The following ITGB6 variants were observed in gnomAD, a reference collection of about 807,000 sequenced individuals.
ITGB6 encodes integrin beta-6.
A neutral mutation model predicts 84.5 loss-of-function variants in ITGB6; 80 were observed. The ratio of observed to expected loss-of-function variants is 0.95; its 90% CI spans 0.79 to 1.14. The LOEUF is 1.14. Ranked by LOEUF, ITGB6 falls within the 50% of genes most tolerant of loss-of-function variation. The pLI, the probability that ITGB6 is intolerant of heterozygous loss-of-function variation, is 0.00. For synonymous variants in ITGB6, 383 were observed against 354.9 expected, an observed-to-expected ratio of 1.08 and a Z score of -0.89; for missense variants, 1,006 against 968.0, an observed-to-expected ratio of 1.04 and a Z score of -0.52.
At chr2:160,139,947 C>T (rs879567552) in intron 8 of ITGB6, among the ~76,000 whole-genome samples, 10 of 152,012 alleles carry the variant, frequency 6.6e-5, no homozygotes, top group Non-Finnish European at 1.3e-4. Flanking sequence ...AATATCAATA[C>T]GGCACTGTAA....
chr2:160,149,949 G>A (rs1356268995), intron 7 of ITGB6, among the ~76,000 whole-genome samples: 3 of 152,206 alleles, frequency 2.0e-5, no homozygotes, highest in Non-Finnish European at 4.4e-5. Flanking sequence ...AAGAAATAGG[G>A]AAGTATGTGA....
At chr2:160,119,350 G>A (rs1231214182) in intron 12 of ITGB6, among the ~76,000 whole-genome samples, 2 of 152,102 alleles carry the variant, frequency 1.3e-5, no homozygotes, top group Non-Finnish European at 2.9e-5. Flanking sequence ...AGAGCCCTCA[G>A]AAATAATGCC....
At chr2:160,194,929 C>A (rs1375747450) in intron 4 of ITGB6, among the ~76,000 whole-genome samples, 1 of 151,912 alleles carries the variant, frequency 6.6e-6, no homozygotes, top group African/African-American at 2.4e-5. Flanking sequence ...GAGAAAGTTG[C>A]AAAAATTATT....
rs36050555 is a variant in ITGB6, at chr2:160,188,606, CT to C, written c.593+6762del. 5.2e-3 allele frequency among the ~76,000 whole-genome samples: 740 copies of C among 143,236 alleles called. 2 individuals are homozygous for C. The highest frequency in any genetic ancestry group is 0.011 in the African/African-American group (436 of 39,320). The allele number at this position is 143,236 out of a possible 152,430, so 94.0% of individuals were successfully genotyped here. Reference sequence around the variant, plus strand: ...CTTTTAATCGTTAACTCATTCAATTCTTTTTTTTTTTTTGTTAGATGTAGTC... The same window carrying C: ...CTTTTAATCGTTAACTCATTCAATTCTTTTTTTTTTTTGTTAGATGTAGTC... On this transcript the variant is annotated intron_variant, in intron 4 of 14. Coordinates refer to ENST00000283249, the MANE Select transcript of ITGB6 (RefSeq NM_000888.5).
At position 160,171,346 on chromosome 2, in the gene ITGB6, T is replaced by A. The variant is rs567887009; in HGVS notation, c.921+1223A>T. On this transcript the variant is annotated intron_variant, in intron 6 of 14. Coordinates refer to ENST00000283249, the MANE Select transcript of ITGB6 (RefSeq NM_000888.5). ...TCAAATTTATTTTTTTATTTTTTTT[T>A]TTTTTGGAGACGGAGTCTCGCTCTG... Among the ~76,000 whole-genome samples, 1,163 of 149,770 alleles carry A rather than the reference T, an allele frequency of 7.8e-3. 19 individuals carry two copies. The highest frequency in any genetic ancestry group is 0.013 in the Non-Finnish European group (890 of 67,250).
At chr2:160,132,254 G>A (rs1683499917) in intron 10 of ITGB6, among the ~76,000 whole-genome samples, 1 of 152,026 alleles carries the variant, frequency 6.6e-6, no homozygotes, top group Non-Finnish European at 1.5e-5. Context: ...ATTAAACCAG[G>A]AAATAAACCT....
intron 14 of ITGB6, 124 bp downstream of exon 14, chr2:160,107,555 G>T: frequency 1.2e-6 from 1 of 839,574 alleles, no homozygotes; most frequent in Non-Finnish European, 1.9e-6. Flanking sequence ...TGGAGTCATG[G>T]CGAGAGTGGG....
At chr2:160,183,155 A>G (rs560818208) in intron 4 of ITGB6, among the ~76,000 whole-genome samples, 1 of 152,366 alleles carries the variant, frequency 6.6e-6, no homozygotes, top group South Asian at 2.1e-4. Context: ...TTAACCTTAA[A>G]TGTAAATGGG....
At chr2:160,138,309 G>T (rs1683854315) in intron 8 of ITGB6, 110 bp from the exon 9 acceptor site, 7 of 1,037,242 alleles carry the variant, frequency 6.7e-6, no homozygotes, top group Admixed American at 5.4e-5. Context: ...AACTAAATTG[G>T]GTGTCTAAAG....
At chr2:160,153,637 C>T (rs1684513018) in intron 7 of ITGB6, among the ~76,000 whole-genome samples, 1 of 152,120 alleles carries the variant, frequency 6.6e-6, no homozygotes. Flanking sequence ...AAACTACCAT[C>T]AGAGTGAACA....
intron 10 of ITGB6, among the ~76,000 whole-genome samples, chr2:160,131,198 T>G (rs894334663): frequency 8.5e-5 from 7 of 82,010 alleles, no homozygotes; most frequent in Non-Finnish European, 2.0e-4. Context: ...CCATTGACAA[T>G]AACTGTTAAG....
intron 10 of ITGB6, among the ~76,000 whole-genome samples, chr2:160,136,281 C>T (rs563002873): frequency 6.6e-5 from 10 of 152,234 alleles, no homozygotes; most frequent in Admixed American, 2.6e-4. Flanking sequence ...ATTTATGCAG[C>T]CAAAAGACAC....
chr2:160,134,935 C>T (rs1683641731), intron 10 of ITGB6, among the ~76,000 whole-genome samples: 1 of 152,060 alleles, frequency 6.6e-6, no homozygotes, highest in South Asian at 2.1e-4. Context: ...ATGACAAACC[C>T]ACAGCCAATA....
chr2:160,194,326 TG>T (rs1306127176), intron 4 of ITGB6, among the ~76,000 whole-genome samples: 2 of 151,960 alleles, frequency 1.3e-5, no homozygotes, highest in African/African-American at 2.4e-5. Flanking sequence ...TACACTGAGA[TG>T]TTTTTTAAAT....
At chr2:160,195,681 T>A (rs1197252315) in intron 3 of ITGB6, 66 bp from the exon 4 acceptor site, 1 of 1,581,858 alleles carries the variant, frequency 6.3e-7, no homozygotes, top group Non-Finnish European at 8.6e-7. Flanking sequence ...TACTGGCCAC[T>A]CGCTGGGTCA....
intron 7 of ITGB6, among the ~76,000 whole-genome samples, chr2:160,150,736 C>A (rs1369557823): frequency 4.6e-5 from 7 of 151,824 alleles, no homozygotes; most frequent in Admixed American, 4.6e-4. Context: ...TGCATATAGG[C>A]TCAAAATAAA....
intron 4 of ITGB6, among the ~76,000 whole-genome samples, chr2:160,188,897 C>A (rs975390845): frequency 6.6e-6 from 1 of 152,278 alleles, no homozygotes; most frequent in South Asian, 2.1e-4. Flanking sequence ...AGCCATCACA[C>A]CTGGCCAACT....
intron 7 of ITGB6, among the ~76,000 whole-genome samples, chr2:160,149,352 C>A (rs1194731582): frequency 6.6e-6 from 1 of 152,192 alleles, no homozygotes; most frequent in Non-Finnish European, 1.5e-5. Flanking sequence ...AACACACCTG[C>A]AGCTGAGGGA....
At chr2:160,183,999 T>C (rs1685793708) in intron 4 of ITGB6, among the ~76,000 whole-genome samples, 1 of 152,198 alleles carries the variant, frequency 6.6e-6, no homozygotes, top group Non-Finnish European at 1.5e-5. Context: ...GAGAAATTTA[T>C]AGAACTAAAT....
Sources: allele counts gnomAD v4.1 joint callset (sites outside exome capture counted in the v4.1 genomes callset), GRCh38; gene constraint gnomAD v4.1.1; transcripts MANE v1.5; gene names NCBI Gene and HGNC (gene_info 2026-07-23, HGNC 2026-07-21).